The following LHFPL6 variants were observed in gnomAD, a reference collection of about 807,000 sequenced individuals.
LHFPL6 encodes LHFPL tetraspan subfamily member 6.
Under a neutral mutation model 20.6 loss-of-function variants are expected in LHFPL6, and 9 were observed. That is an observed-to-expected ratio of 0.44 (90% confidence interval 0.26 to 0.76). The LOEUF (loss-of-function observed/expected upper bound fraction) is 0.76, where lower values mean the gene tolerates loss of function less well. LHFPL6 is among the 30% of genes least tolerant of loss of function. The pLI is 0.20. For missense variants in LHFPL6, 218 were observed against 253.5 expected (o/e 0.86, Z 0.95); for synonymous variants, 105 against 98.7 (o/e 1.06, Z -0.38).
At chr13:39,348,784 G>A (rs894752409) in intron 3 of LHFPL6, among the ~76,000 whole-genome samples, 2 of 152,004 alleles carry the variant, frequency 1.3e-5, no homozygotes, top group Non-Finnish European at 2.9e-5. Flanking sequence ...AGAGCTTTCG[G>A]CACCAGCTCT....
intron 2 of LHFPL6, among the ~76,000 whole-genome samples, chr13:39,413,545 T>C (rs527341566): frequency 4.8e-4 from 72 of 150,686 alleles, no homozygotes; most frequent in African/African-American, 1.7e-3. Flanking sequence ...CAACCTCCTG[T>C]GTATCTGGGA....
Position 39,342,905 on chromosome 13 carries a change from G to C in LHFPL6, c.*1031C>G, listed in dbSNP as rs114169881. On this transcript the variant is annotated 3_prime_UTR_variant, in exon 4 of 4. Transcript: ENST00000379589. ...GACTCATCTAGCTATTGATCAAAGA[G>C]AGAATTTATTCACAGAGATTTTCAA... 3.4e-3 allele frequency: 613 copies of C among 178,934 alleles called. 5 individuals carry two copies. The highest frequency in any genetic ancestry group is 0.013 in the African/African-American group (539 of 42,434). The allele number at this position is 178,934 out of a possible 1,614,324, so 11.1% of individuals were successfully genotyped here.
rs1869320046 is a variant in LHFPL6 at position 39,343,906 on chromosome 13, TCTC to T, written c.*27_*29del. 1.9e-6 allele frequency: 3 copies of T among 1,583,462 alleles called. No individual in the cohort carries two copies. Among genetic ancestry groups the T allele is most frequent in the African/African-American group, 1.3e-5 (1 of 74,332 alleles). On this transcript the variant is annotated 3_prime_UTR_variant, in exon 4 of 4. Coordinates refer to ENST00000379589, the MANE Select transcript of LHFPL6 (RefSeq NM_005780.3). ...CTCTCCAAGCCCCTTTGGCCCATCT[TCTC>T]CTCTGTCTGCTCTTGGTAGCTCCAT...
rs980152222 is a variant in LHFPL6 at position 39,596,756 on chromosome 13, A to G, written c.385+4076T>C. Among the ~76,000 whole-genome samples, 6 of 152,324 alleles carry G rather than the reference A, an allele frequency of 3.9e-5. No individual in the cohort carries two copies. In the East Asian group the frequency reaches 1.2e-3, roughly 29 times the overall value. On this transcript the variant is annotated intron_variant, in intron 2 of 3. Coordinates refer to ENST00000379589, the MANE Select transcript of LHFPL6 (RefSeq NM_005780.3). ...AACTGTTTTCAGTTAAGACACTGTC[A>G]CAGAAAGCCACTATGCCCATTAATA...
chr13:39,450,829 G>C (rs1410080102), intron 2 of LHFPL6, among the ~76,000 whole-genome samples: 1 of 152,096 alleles, frequency 6.6e-6, no homozygotes, highest in African/African-American at 2.4e-5. Context: ...ATTTTACTTA[G>C]CTGAATTATA....
intron 2 of LHFPL6, among the ~76,000 whole-genome samples, chr13:39,465,928 A>C (rs2138432623): frequency 6.6e-6 from 1 of 152,154 alleles, no homozygotes; most frequent in South Asian, 2.1e-4. Flanking sequence ...AGAAGACTGA[A>C]CTAGAGAGGA....
At chr13:39,507,834 G>A (rs1452271658) in intron 2 of LHFPL6, among the ~76,000 whole-genome samples, 1 of 151,914 alleles carries the variant, frequency 6.6e-6, no homozygotes, top group African/African-American at 2.4e-5. Flanking sequence ...GCAAGTAAAT[G>A]ATAAATCCAA....
intron 2 of LHFPL6, among the ~76,000 whole-genome samples, chr13:39,412,930 A>G (rs1456728565): frequency 6.6e-6 from 1 of 151,698 alleles, no homozygotes; most frequent in Non-Finnish European, 1.5e-5. Flanking sequence ...CTCAAAAAAA[A>G]AAAAAGAAAA....
chr13:39,351,234 A>G (rs1869561146), intron 3 of LHFPL6, among the ~76,000 whole-genome samples: 1 of 152,358 alleles, frequency 6.6e-6, no homozygotes, highest in African/African-American at 2.4e-5. Context: ...TGTCATATAT[A>G]GACAGCAAGT....
chr13:39,488,815 T>C (rs1443703261), intron 2 of LHFPL6, among the ~76,000 whole-genome samples: 1 of 152,162 alleles, frequency 6.6e-6, no homozygotes, highest in African/African-American at 2.4e-5. Context: ...ATATTTATCA[T>C]AGATAGCATA....
At chr13:39,461,520 C>T (rs954499634) in intron 2 of LHFPL6, among the ~76,000 whole-genome samples, 1 of 152,152 alleles carries the variant, frequency 6.6e-6, no homozygotes, top group Non-Finnish European at 1.5e-5. Flanking sequence ...GGGGAGGAAT[C>T]TAGTTCCACA....
At chr13:39,510,191 G>T (rs374440454) in intron 2 of LHFPL6, among the ~76,000 whole-genome samples, 1 of 152,058 alleles carries the variant, frequency 6.6e-6, no homozygotes, top group Non-Finnish European at 1.5e-5. Flanking sequence ...AGCACTTCAC[G>T]TGAGAGTAAA....
intron 2 of LHFPL6, among the ~76,000 whole-genome samples, chr13:39,572,575 A>G (rs987485730): frequency 2.0e-5 from 3 of 152,212 alleles, no homozygotes; most frequent in Non-Finnish European, 4.4e-5. Flanking sequence ...AACACACCAC[A>G]GTCCAATTTT....
At chr13:39,429,027 C>T (rs1343883234) in intron 2 of LHFPL6, among the ~76,000 whole-genome samples, 2 of 152,116 alleles carry the variant, frequency 1.3e-5, no homozygotes, top group African/African-American at 4.8e-5. Context: ...GGTCAGACAA[C>T]ATGACTTGAA....
At chr13:39,344,190 T>C (rs1350576807) in intron 3 of LHFPL6, 136 bp from the exon 4 acceptor site, 1 of 630,140 alleles carries the variant, frequency 1.6e-6, no homozygotes. Context: ...GGAATAATAA[T>C]GTGCTGAAAG....
rs1869379865 is a variant in LHFPL6 at position 39,503,883 on chromosome 13, C to G, written c.385+96949G>C. On this transcript the variant is annotated intron_variant, in intron 2 of 3. Transcript: ENST00000379589. ...TCCCAGAATGTGCCTTTTGACAAGT[C>G]AAATACAAAAAGCTTCCTCCAAAAG... Among the ~76,000 whole-genome samples the G allele has an allele frequency of 2.0e-5, 3 of 152,160 alleles. No individual in the cohort carries two copies. In the South Asian group the frequency reaches 6.2e-4, roughly 32 times the overall value.
At chr13:39,434,928 C>T (rs1030880322) in intron 2 of LHFPL6, among the ~76,000 whole-genome samples, 4 of 151,384 alleles carry the variant, frequency 2.6e-5, no homozygotes, top group Non-Finnish European at 5.9e-5. Context: ...CGGTGGCGGG[C>T]GCCTGTAGTC....
intron 3 of LHFPL6, among the ~76,000 whole-genome samples, chr13:39,356,859 G>T (rs1869740036): frequency 6.6e-6 from 1 of 152,182 alleles, no homozygotes; most frequent in African/African-American, 2.4e-5. Context: ...TTCTGAAATT[G>T]AATCAGAAAC....
At chr13:39,513,579 A>G (rs1293305619) in intron 2 of LHFPL6, among the ~76,000 whole-genome samples, 1 of 152,220 alleles carries the variant, frequency 6.6e-6, no homozygotes, top group African/African-American at 2.4e-5. Context: ...GAAATGTCAA[A>G]ATAAGAAAAG....
Sources: gnomAD v4.1 joint callset for allele counts (sites outside exome capture counted in the v4.1 genomes callset) on GRCh38, gnomAD v4.1.1 for gene constraint, MANE v1.5 for transcripts, NCBI Gene and HGNC (gene_info 2026-07-23, HGNC 2026-07-21) for gene names.